The following UQCC1 variants were observed in gnomAD, a reference collection of about 807,000 sequenced individuals.
UQCC1 encodes the protein bFGF-repressed Zic-binding protein.
In UQCC1, 38 loss-of-function variants were observed where a neutral mutation model predicts 48.0. The ratio of observed to expected loss-of-function variants is 0.79; its 90% CI spans 0.61 to 1.04. The LOEUF (loss-of-function observed/expected upper bound fraction) is 1.04. Among genes scored for constraint, UQCC1 ranks in the 50% least tolerant of loss-of-function variants. The probability of loss-of-function intolerance (pLI) is 0.00; values close to 1 mark genes in which losing one functional copy is unlikely to be tolerated. For synonymous variants in UQCC1, 111 were observed against 129.2 expected (o/e 0.86, Z 0.95); for missense variants, 368 against 381.8 (o/e 0.96, Z 0.30).
At chr20:35,353,948 G>A (rs1236852183) in intron 6 of UQCC1, among the ~76,000 whole-genome samples, 1 of 151,952 alleles carries the variant, frequency 6.6e-6, no homozygotes, top group South Asian at 2.1e-4. Flanking sequence ...TTCTTATATT[G>A]CATTTTTACT....
At chr20:35,409,361 T>G (rs2062306216) in intron 1 of UQCC1, 1 of 154,374 alleles carries the variant, frequency 6.5e-6, no homozygotes, top group Non-Finnish European at 1.4e-5. Flanking sequence ...TCCCAGCTAC[T>G]CAGGAGGCTG....
intron 1 of UQCC1, 72 bp downstream of exon 1, chr20:35,411,868 C>T: frequency 6.2e-7 from 1 of 1,601,636 alleles, no homozygotes; most frequent in Non-Finnish European, 8.6e-7. Context: ...CTTCCAATTC[C>T]TCCCGCCCTG....
At chr20:35,377,534 C>G (rs913426837) in intron 4 of UQCC1, among the ~76,000 whole-genome samples, 5 of 152,236 alleles carry the variant, frequency 3.3e-5, no homozygotes, top group African/African-American at 7.2e-5. Flanking sequence ...GAGTACATAA[C>G]TCAGTGCCTG....
intron 7 of UQCC1, among the ~76,000 whole-genome samples, chr20:35,334,568 T>C (rs1295865036): frequency 6.6e-6 from 1 of 152,238 alleles, no homozygotes; most frequent in African/African-American, 2.4e-5. Context: ...ACTCTGGGCA[T>C]TCTCAGCAAT....
At chr20:35,348,458 C>T (rs562206018) in intron 6 of UQCC1, among the ~76,000 whole-genome samples, 3 of 152,272 alleles carry the variant, frequency 2.0e-5, no homozygotes, top group South Asian at 4.2e-4. Flanking sequence ...GGCGCCATCT[C>T]GGCTCACTAC....
intron 6 of UQCC1, among the ~76,000 whole-genome samples, chr20:35,363,411 A>G (rs774398522): frequency 6.6e-6 from 1 of 152,218 alleles, no homozygotes; most frequent in Non-Finnish European, 1.5e-5. Flanking sequence ...AGCAAAGACA[A>G]TGAACACATA....
chr20:35,384,958 A>T (rs2061920974), intron 2 of UQCC1, among the ~76,000 whole-genome samples: 1 of 132,044 alleles, frequency 7.6e-6, no homozygotes, highest in Admixed American at 7.9e-5. Context: ...CACAGCAAGA[A>T]TCGGTCTCAA....
chr20:35,351,104 T>C (rs913314355), intron 6 of UQCC1, among the ~76,000 whole-genome samples: 25 of 151,648 alleles, frequency 1.6e-4, no homozygotes, highest in Non-Finnish European at 8.8e-5. Context: ...AAATAGCACT[T>C]TGTAGGCTGG....
Position 35,322,709 on chromosome 20 carries a change from G to GT in UQCC1, c.574-7945_574-7944insA, listed in dbSNP as rs1358018807. On this transcript the variant is annotated intron_variant, in intron 7 of 9. Coordinates refer to ENST00000374385, the MANE Select transcript of UQCC1 (RefSeq NM_018244.5). ...GATTGTGCCACTGCACTCCAGCCTG[G>GT]CAACTGAGCAAGACTCTGTCTCAAA... Among the ~76,000 whole-genome samples, 3 of 152,020 alleles carry GT rather than the reference G, an allele frequency of 2.0e-5. No individual in the cohort carries two copies. In the East Asian group the frequency reaches 5.8e-4, roughly 29 times the overall value.
Position 35,406,461 on chromosome 20 carries a change from GGA to G in UQCC1, c.24+5477_24+5478del, listed in dbSNP as rs1555818955. Among the ~76,000 whole-genome samples, 11 of 152,204 alleles carry G rather than the reference GGA, an allele frequency of 7.2e-5. No individual in the cohort carries two copies. The East Asian group carries it at 1.9e-3, about 27-fold the overall frequency. Reference sequence around the variant, plus strand: ...CAGTGGGATAAAATAGTCAAAACAAGGAAAGACAAAGATTTTCAAACAAGAAT... The same window carrying G: ...CAGTGGGATAAAATAGTCAAAACAAGAAGACAAAGATTTTCAAACAAGAAT... On this transcript the variant is annotated intron_variant, in intron 1 of 9. Transcript: ENST00000374385.
At chr20:35,399,447 C>CA (rs1321168489) in intron 1 of UQCC1, among the ~76,000 whole-genome samples, 3 of 152,184 alleles carry the variant, frequency 2.0e-5, no homozygotes, top group African/African-American at 7.2e-5. Context: ...ACACCTGACT[C>CA]AGATTCTCTG....
At chr20:35,393,376 A>G (rs1448249770) in intron 2 of UQCC1, among the ~76,000 whole-genome samples, 2 of 152,160 alleles carry the variant, frequency 1.3e-5, no homozygotes, top group Non-Finnish European at 2.9e-5. Context: ...TATCAAAACA[A>G]TATGAATAAT....
intron 2 of UQCC1, among the ~76,000 whole-genome samples, chr20:35,389,381 G>A (rs555920157): frequency 3.9e-5 from 6 of 152,044 alleles, no homozygotes; most frequent in African/African-American, 7.2e-5. Context: ...TGGCCAACAC[G>A]GTGAAACCCC....
intron 8 of UQCC1, among the ~76,000 whole-genome samples, chr20:35,313,374 T>TAAA (rs1182863735): frequency 9.9e-4 from 45 of 45,358 alleles, no homozygotes; most frequent in Middle Eastern, 0.017. Context: ...AGACTCTGTC[T>TAAA]AAAAAAAAAA....
intron 6 of UQCC1, among the ~76,000 whole-genome samples, chr20:35,362,745 G>C (rs914304720): frequency 1.8e-4 from 27 of 152,060 alleles, no homozygotes; most frequent in Non-Finnish European, 3.4e-4. Flanking sequence ...TTTGTGTACT[G>C]ACCCCATTTG....
chr20:35,336,691 T>C (rs2061320106), intron 7 of UQCC1, among the ~76,000 whole-genome samples: 1 of 152,198 alleles, frequency 6.6e-6, no homozygotes, highest in South Asian at 2.1e-4. Flanking sequence ...TTTGTTGTTT[T>C]AAACCACCAA....
At chr20:35,338,201 G>A (rs1316445535) in intron 7 of UQCC1, among the ~76,000 whole-genome samples, 2 of 152,020 alleles carry the variant, frequency 1.3e-5, no homozygotes, top group Non-Finnish European at 2.9e-5. Flanking sequence ...TATTAGTCCT[G>A]TTGAGTAGGA....
chr20:35,405,265 G>C (rs2062234734), intron 1 of UQCC1, among the ~76,000 whole-genome samples: 1 of 152,142 alleles, frequency 6.6e-6, no homozygotes, highest in African/African-American at 2.4e-5. Flanking sequence ...TGACCACTAA[G>C]CTATCTAAGC....
At chr20:35,397,522 AAAAAAAG>A (rs2062098980) in intron 1 of UQCC1, among the ~76,000 whole-genome samples, 1 of 151,626 alleles carries the variant, frequency 6.6e-6, no homozygotes, top group Admixed American at 6.6e-5. Context: ...TCAAAAAAAA[AAAAAAAG>A]AAAAAAGAAA....
Sources: allele counts gnomAD v4.1 joint callset (sites outside exome capture counted in the v4.1 genomes callset), GRCh38; gene constraint gnomAD v4.1.1; transcripts MANE v1.5; gene names NCBI Gene and HGNC (gene_info 2026-07-23, HGNC 2026-07-21).